SP6: variants seen among roughly 807,000 people sequenced by gnomAD.
The protein encoded by SP6 is Sp6 transcription factor.
A neutral mutation model predicts 23.4 loss-of-function variants in SP6; 10 were observed. The ratio of observed to expected loss-of-function variants is 0.43; its 90% CI spans 0.26 to 0.72. The LOEUF is 0.72. Among genes scored for constraint, SP6 ranks in the 30% least tolerant of loss-of-function variants. The pLI, the probability that SP6 is intolerant of heterozygous loss-of-function variation, is 0.23. For synonymous variants in SP6, 238 were observed against 238.7 expected, an observed-to-expected ratio of 1.00 and a Z score of 0.03; for missense variants, 482 against 523.8, an observed-to-expected ratio of 0.92 and a Z score of 0.78.
the SP6 span, among the ~76,000 whole-genome samples, chr17:47,871,505 C>T: frequency 2.0e-5 from 3 of 152,190 alleles, no homozygotes; most frequent in South Asian, 6.2e-4. Context: ...CTTTCGTCTC[C>T]ACTTAAGATA....
the SP6 span, among the ~76,000 whole-genome samples, chr17:47,866,761 C>G: frequency 6.6e-6 from 1 of 152,190 alleles, no homozygotes. Flanking sequence ...CCACCACCTG[C>G]CAAGTTCCCG....
chr17:47,868,789 G>T, the SP6 span, among the ~76,000 whole-genome samples: 1 of 152,294 alleles, frequency 6.6e-6, no homozygotes, highest in East Asian at 1.9e-4. Context: ...GGAGGAGAAG[G>T]GTTCCTGAGG....
At chr17:47,875,844 T>C in the SP6 span, among the ~76,000 whole-genome samples, 2 of 152,288 alleles carry the variant, frequency 1.3e-5, no homozygotes, top group African/African-American at 4.8e-5. Flanking sequence ...TCACACACTT[T>C]CGATCTTTTT....
At chr17:47,868,997 G>A in the SP6 span, among the ~76,000 whole-genome samples, 4 of 152,258 alleles carry the variant, frequency 2.6e-5, no homozygotes, top group African/African-American at 9.6e-5. Context: ...GAGCCGGGCT[G>A]TCTGAGTGCT....
upstream of SP6, among the ~76,000 whole-genome samples, chr17:47,854,219 G>A (rs186457725): frequency 6.6e-6 from 1 of 152,250 alleles, no homozygotes; most frequent in African/African-American, 2.4e-5. Context: ...TTTGTACCTG[G>A]AGAAATCTCA....
chr17:47,858,767 C>CTTTTTTTTTTTTTTTTTTTTTTTTTTTT (rs36092685), upstream of SP6, among the ~76,000 whole-genome samples: 5 of 92,648 alleles, frequency 5.4e-5, 2 homozygotes, highest in South Asian at 7.7e-4. Context: ...GATGAAGCAT[C>CTTTTTTTTTTTTTTTTTTTTTTTTTTTT]TTTTTTTTTT....
At chr17:47,868,170 C>T in the SP6 span, among the ~76,000 whole-genome samples, 3 of 152,194 alleles carry the variant, frequency 2.0e-5, no homozygotes, top group Non-Finnish European at 4.4e-5. Flanking sequence ...CACAGAGCCT[C>T]GCCATGCCAA....
chr17:47,857,563 C>A (rs1474176941), upstream of SP6, among the ~76,000 whole-genome samples: 1 of 152,134 alleles, frequency 6.6e-6, no homozygotes, highest in Admixed American at 6.5e-5. Context: ...GCCCACACAC[C>A]TTCCCCTGGC....
rs1180241413 is a variant in SP6, at chr17:47,847,642, T to C, written c.788A>G (p.Lys263Arg). The change falls in exon 2 of 2, where the codon AAA (lysine) becomes AGA (arginine). Residue 263 changes from lysine to arginine, a missense_variant. Lys to Arg is a conservative substitution (Grantham distance 26). This residue lies in a region of SP6 where 51 missense variants were observed against 92.1 expected (regional missense o/e 0.55). Coordinates refer to ENST00000536300, the MANE Select transcript of SP6 (RefSeq NM_001258248.2). Reference protein sequence around the residue: ...LHNCHIPGCGKAYAKTSHLKA... With the variant: ...LHNCHIPGCGRAYAKTSHLKA... ...CAGGTGCGACGTCTTGGCGTAGGCTTTCCCGCAGCCCGGGATGTGGCAGTT... is the reference window on the plus strand; with the variant it reads ...CAGGTGCGACGTCTTGGCGTAGGCTCTCCCGCAGCCCGGGATGTGGCAGTT... The C allele has an allele frequency of 6.2e-7, 1 of 1,613,092 alleles. No homozygotes were observed. Among genetic ancestry groups the C allele is most frequent in the Non-Finnish European group, 8.5e-7 (1 of 1,179,806 alleles).
the SP6 span, among the ~76,000 whole-genome samples, chr17:47,875,718 T>C: frequency 6.6e-6 from 1 of 152,210 alleles, no homozygotes; most frequent in South Asian, 2.1e-4. Flanking sequence ...ATTCCTTGCT[T>C]GTGCATTCCT....
chr17:47,848,890 G>A lies in SP6; in HGVS notation c.-57-404C>T, dbSNP rs2033925545. Among the ~76,000 whole-genome samples the A allele has an allele frequency of 6.6e-6, 1 of 152,132 alleles. No individual in the cohort carries two copies. The highest frequency in any genetic ancestry group is 2.1e-4 in the South Asian group (1 of 4,820). On this transcript the variant is annotated intron_variant, in intron 1 of 1. Coordinates refer to ENST00000536300, the MANE Select transcript of SP6 (RefSeq NM_001258248.2). The surrounding 1 kb of genome is among the most constrained non-coding windows in gnomAD (Gnocchi z 5.3). Reference sequence around the variant, plus strand: ...AAATGGAGGATCTAGACACATCTCAGCTTCCCCAGTTTAACTCAGGATACA... The same window carrying A: ...AAATGGAGGATCTAGACACATCTCAACTTCCCCAGTTTAACTCAGGATACA...
the SP6 span, among the ~76,000 whole-genome samples, chr17:47,865,536 T>G: frequency 1.3e-5 from 2 of 152,102 alleles, no homozygotes; most frequent in Non-Finnish European, 2.9e-5. Context: ...CACCTGTTCC[T>G]GCTGTTGAGG....
chr17:47,864,110 C>T, the SP6 span, among the ~76,000 whole-genome samples: 7 of 150,328 alleles, frequency 4.7e-5, no homozygotes, highest in African/African-American at 1.7e-4. Context: ...TCCCAAAGTG[C>T]TGGGATTACA....
upstream of SP6, among the ~76,000 whole-genome samples, chr17:47,854,727 C>G (rs2033985821): frequency 6.6e-6 from 1 of 152,148 alleles, no homozygotes; most frequent in South Asian, 2.1e-4. Context: ...CTGGTCTAGC[C>G]CCAAATTGTC....
chr17:47,871,603 C>CTCTGTT, the SP6 span, among the ~76,000 whole-genome samples: 1 of 151,716 alleles, frequency 6.6e-6, no homozygotes, highest in Non-Finnish European at 1.5e-5. Context: ...CCCATCTGGT[C>CTCTGTT]TCTGTTTCTG....
At chr17:47,855,250 G>T (rs1358018409), upstream of SP6, among the ~76,000 whole-genome samples, 3 of 152,182 alleles carry the variant, frequency 2.0e-5, no homozygotes, top group East Asian at 5.8e-4. Context: ...GTGGGCTTGA[G>T]TGTAGGGTGT....
In SP6 at chr17:47,847,984, T is replaced by G. The variant is rs1366176782; in HGVS notation, c.446A>C (p.Gln149Pro). Residue 149 changes from glutamine to proline, a missense_variant, in exon 2 of 2, where the codon CAG becomes CCG. Transcript: ENST00000536300. ...TCCGACGTAGCCCCCCAAGCCCGCC[T>G]GAAGCGCCCCCGGGTGGCCAGGTGA... ...LTSPGHPGAL[Q>P]AGLGGYVGDH... 5.0e-6 allele frequency: 8 copies of G among 1,592,132 alleles called. No individual in the cohort carries two copies. In the Middle Eastern group the frequency reaches 5.0e-4, roughly 100 times the overall value.
chr17:47,871,369 C>T, the SP6 span, among the ~76,000 whole-genome samples: 2 of 152,178 alleles, frequency 1.3e-5, no homozygotes, highest in East Asian at 3.8e-4. Context: ...TACTATCTGT[C>T]CCCACTTCTC....
upstream of SP6, among the ~76,000 whole-genome samples, chr17:47,856,051 T>C (rs1040197395): frequency 6.6e-6 from 1 of 152,214 alleles, no homozygotes; most frequent in Non-Finnish European, 1.5e-5. Flanking sequence ...CCAAATTCCA[T>C]CCCCTCTTCC....
Sources: gnomAD v4.1 joint callset for allele counts (sites outside exome capture counted in the v4.1 genomes callset) on GRCh38, gnomAD v4.1.1 for gene constraint, gnomAD v4.1.1 regional missense constraint, Gnocchi (gnomAD v3.1) non-coding constraint, MANE v1.5 for transcripts, NCBI Gene and HGNC (gene_info 2026-07-23, HGNC 2026-07-21) for gene names.